CENPI: variants seen among roughly 807,000 people sequenced by gnomAD.
CENPI encodes the protein FSH primary response 1.
A neutral mutation model predicts 60.4 loss-of-function variants in CENPI; 4 were observed. The observed-to-expected ratio is 0.07, with a 90% confidence interval of 0.03 to 0.15. The LOEUF (loss-of-function observed/expected upper bound fraction) is 0.15, where lower values mean the gene tolerates loss of function less well. Ranked by LOEUF, CENPI falls within the 10% of genes least tolerant of loss-of-function variation. The pLI is 1.00. For missense variants in CENPI, 444 were observed against 534.5 expected, an observed-to-expected ratio of 0.83 and a Z score of 1.67; for synonymous variants, 157 against 189.4, an observed-to-expected ratio of 0.83 and a Z score of 1.40.
intron 4 of CENPI, among the ~76,000 whole-genome samples, chrX:101,106,565 C>T (rs761524826): frequency 8.6e-4 from 94 of 109,547 alleles, no homozygotes; most frequent in African/African-American, 2.5e-3. Context: ...TACAGGTGCC[C>T]GCCACCATGC....
At chrX:101,119,573 A>G (rs2148171053) in intron 6 of CENPI, among the ~76,000 whole-genome samples, 1 of 111,814 alleles carries the variant, frequency 8.9e-6, no homozygotes, top group Non-Finnish European at 1.9e-5. Context: ...ATAAAACTTT[A>G]TTTACAAAAA....
chrX:101,172,471 A>C, the CENPI span, among the ~76,000 whole-genome samples: 1 of 111,804 alleles, frequency 8.9e-6, no homozygotes, highest in Non-Finnish European at 1.9e-5. Flanking sequence ...GGAAAAAAAA[A>C]AACATATATT....
chrX:101,181,766 C>G, the CENPI span, among the ~76,000 whole-genome samples: 14 of 111,396 alleles, frequency 1.3e-4, no homozygotes, highest in Non-Finnish European at 2.1e-4. Flanking sequence ...ATCTGAATGT[C>G]TTTTATTTCA....
intron 6 of CENPI, among the ~76,000 whole-genome samples, chrX:101,115,746 C>G (rs1423077992): frequency 5.4e-5 from 6 of 112,013 alleles, no homozygotes; most frequent in Admixed American, 2.9e-4. Flanking sequence ...TCACCACTAT[C>G]TATTTACAAA....
At chrX:101,109,075 G>GTTTTT (rs869245080) in intron 4 of CENPI, among the ~76,000 whole-genome samples, 13 of 47,305 alleles carry the variant, frequency 2.7e-4, no homozygotes, top group Admixed American at 8.7e-4. Context: ...GAGGTGTGGT[G>GTTTTT]TTTTTTTTTT....
intron 20 of CENPI, among the ~76,000 whole-genome samples, chrX:101,153,567 G>A (rs1265073192): frequency 9.0e-6 from 1 of 111,476 alleles, no homozygotes; most frequent in Non-Finnish European, 1.9e-5. Flanking sequence ...GGTTACAGGT[G>A]TGAGCCACCA....
Position 101,114,650 on chromosome X carries a change from T to TC in CENPI, c.591+4657dup, listed in dbSNP as rs1407344324. The stretch of plus-strand genomic sequence containing the variant: ...ATAGCATGTATTAGTACTTTTTTTT[T>TC]CCCCCTGAGACAGAGTTTCACTCTT... On this transcript the variant is annotated intron_variant, in intron 6 of 21. Coordinates refer to ENST00000682095, the MANE Select transcript of CENPI (RefSeq NM_001386188.2). Among the ~76,000 whole-genome samples, 5 of 111,858 alleles carry TC rather than the reference T, an allele frequency of 4.5e-5. No homozygotes were observed. In the Admixed American group the frequency reaches 4.8e-4, roughly 11 times the overall value.
At chrX:101,169,737 C>T (rs1454301999), downstream of CENPI, among the ~76,000 whole-genome samples, 1 of 111,326 alleles carries the variant, frequency 9.0e-6, no homozygotes, top group African/African-American at 3.3e-5. Context: ...CTTATTAGTG[C>T]CCCCGAAGAC....
chrX:101,114,026 G>C (rs113091976), intron 6 of CENPI, among the ~76,000 whole-genome samples: 1 of 111,524 alleles, frequency 9.0e-6, no homozygotes, highest in Non-Finnish European at 1.9e-5. Flanking sequence ...GGAGGCCGAG[G>C]GGGGCAGATC....
intron 8 of CENPI, among the ~76,000 whole-genome samples, chrX:101,121,303 T>TTA (rs1459419912): frequency 5.4e-5 from 6 of 110,613 alleles, no homozygotes; most frequent in African/African-American, 2.0e-4. Flanking sequence ...TATTTTTATT[T>TTA]TATAGATGGA....
rs2090141077 is a variant in CENPI, at chrX:101,165,603, A to G, written c.*2636A>G. Among the ~76,000 whole-genome samples the G allele has an allele frequency of 9.0e-6, 1 of 111,666 alleles. No homozygotes were observed. The highest frequency in any genetic ancestry group is 9.6e-5 in the Admixed American group (1 of 10,417). On this transcript the variant is annotated 3_prime_UTR_variant, in exon 22 of 22. Transcript: ENST00000682095. ...CTAGAAAATTAATTTGGGAGTCATTAGGGAATAACCATGACTTTGGATGAG... is the reference window on the plus strand; with the variant it reads ...CTAGAAAATTAATTTGGGAGTCATTGGGGAATAACCATGACTTTGGATGAG...
intron 12 of CENPI, 36 bp downstream of exon 12, chrX:101,128,872 C>T: frequency 8.5e-7 from 1 of 1,178,412 alleles, no homozygotes; most frequent in Non-Finnish European, 1.2e-6. Context: ...AGATAGTTAA[C>T]AAATGGGTTT....
At chrX:101,180,434 G>T in the CENPI span, among the ~76,000 whole-genome samples, 7 of 112,103 alleles carry the variant, frequency 6.2e-5, no homozygotes, top group Non-Finnish European at 1.1e-4. Flanking sequence ...ACCACAGCCA[G>T]CCTTTGCCCA....
downstream of CENPI, among the ~76,000 whole-genome samples, chrX:101,166,148 C>A (rs1375866503): frequency 9.0e-6 from 1 of 111,478 alleles, no homozygotes; most frequent in Non-Finnish European, 1.9e-5. Flanking sequence ...GTGCCTATTT[C>A]TCTTTTAACT....
Position 101,102,492 on chromosome X carries a change from T to TACACACACACACACACACACAC in CENPI, c.364+82_364+83insCACACACACACACACACACACA, listed in dbSNP as rs199742109. On this transcript the variant is annotated intron_variant, in intron 4 of 21. Transcript: ENST00000682095. ...TTCTTTTAAAAATAAATCTTATATA[T>TACACACACACACACACACACAC]ATATACACACACACACACACACACA... is the stretch of plus-strand genomic sequence containing the variant. 1.9e-3 allele frequency: 572 copies of TACACACACACACACACACACAC among 301,195 alleles called. 10 individuals carry two copies. The highest frequency in any genetic ancestry group is 3.8e-3 in the Middle Eastern group (3 of 782). 24.8% of individuals were successfully genotyped at this position (301,195 alleles called of 1,213,427 possible). A position where few individuals can be genotyped will look rare whatever the true frequency, so the allele number is the denominator to read the frequency against.
chrX:101,126,303 T>C (rs1249000727), intron 8 of CENPI, among the ~76,000 whole-genome samples: 1 of 112,052 alleles, frequency 8.9e-6, no homozygotes, highest in African/African-American at 3.2e-5. Context: ...TTTCCAAGAA[T>C]TATAATAATC....
rs746765724 is a variant in CENPI at position 101,164,889 on chromosome X, G to T, written c.*1922G>T. Among the ~76,000 whole-genome samples the T allele has an allele frequency of 7.1e-5, 8 of 112,211 alleles. No homozygotes were observed. The South Asian group carries it at 1.9e-3, about 26-fold the overall frequency. ...ATCCCACTGGGACAGAATGTGGAGA[G>T]GGTTGAAACTTTAGATAAGATGGTT... is the stretch of plus-strand genomic sequence containing the variant. On this transcript the variant is annotated 3_prime_UTR_variant, in exon 22 of 22. Transcript: ENST00000682095.
At chrX:101,140,591 T>C in intron 15 of CENPI, 75 bp from the exon 16 acceptor site, 2 of 734,759 alleles carry the variant, frequency 2.7e-6, no homozygotes, top group Admixed American at 4.9e-5. Flanking sequence ...TTTTCATCTC[T>C]AAGCCTCTGT....
intron 4 of CENPI, among the ~76,000 whole-genome samples, chrX:101,103,742 G>GT (rs1362196021): frequency 1.8e-5 from 2 of 111,819 alleles, no homozygotes; most frequent in African/African-American, 6.5e-5. Context: ...TATAAAATGG[G>GT]TTTTTTTGTG....
Sources: allele counts gnomAD v4.1 joint callset (sites outside exome capture counted in the v4.1 genomes callset), GRCh38; gene constraint gnomAD v4.1.1; transcripts MANE v1.5; gene names NCBI Gene and HGNC (gene_info 2026-07-23, HGNC 2026-07-21).